Variants in KIF16B observed in about 807,000 individuals in gnomAD.
KIF16B encodes the protein kinesin family member 16B.
In KIF16B, 98 loss-of-function variants were observed where a neutral mutation model predicts 156.3. The ratio of observed to expected loss-of-function variants is 0.63; its 90% CI spans 0.53 to 0.74. The LOEUF is 0.74. Among genes scored for constraint, KIF16B ranks in the 30% least tolerant of loss-of-function variants. KIF16B has a pLI of 0.00. For missense variants in KIF16B, 1,421 were observed against 1,606.5 expected, an observed-to-expected ratio of 0.88 and a Z score of 1.97; for synonymous variants, 564 against 583.7, an observed-to-expected ratio of 0.97 and a Z score of 0.49.
chr20:16,327,660 C>A (rs1010381913), intron 24 of KIF16B, among the ~76,000 whole-genome samples: 3 of 152,068 alleles, frequency 2.0e-5, no homozygotes, highest in Admixed American at 6.6e-5. Context: ...ATGCTCATTG[C>A]GCCTCCACTC....
intron 16 of KIF16B, among the ~76,000 whole-genome samples, chr20:16,405,435 A>T (rs1437551728): frequency 6.6e-6 from 1 of 152,178 alleles, no homozygotes; most frequent in African/African-American, 2.4e-5. Context: ...GGGCTAGAGC[A>T]GATAAGAGGC....
At chr20:16,549,406 T>C (rs974026599) in intron 1 of KIF16B, among the ~76,000 whole-genome samples, 8 of 152,000 alleles carry the variant, frequency 5.3e-5, no homozygotes, top group Non-Finnish European at 8.8e-5. Context: ...TCCCATGGTG[T>C]ATATGTGCCA....
intron 22 of KIF16B, chr20:16,368,762 CAGACAGA>C: frequency 1.0e-6 from 1 of 985,906 alleles, no homozygotes; most frequent in Non-Finnish European, 1.2e-6. Flanking sequence ...GAAATGCCTT[CAGACAGA>C]ACCAAGCAGA....
At chr20:16,374,628 G>A (rs1568903784) in intron 19 of KIF16B, among the ~76,000 whole-genome samples, 1 of 152,162 alleles carries the variant, frequency 6.6e-6, no homozygotes. Context: ...CAGGCATCCA[G>A]AAGGTAGAGT....
chr20:16,495,831 C>T (rs528214175), intron 11 of KIF16B, among the ~76,000 whole-genome samples: 1 of 152,198 alleles, frequency 6.6e-6, no homozygotes, highest in East Asian at 1.9e-4. Context: ...GCTGGGACTA[C>T]AGGTGCACAC....
chr20:16,341,228 T>C (rs193195225), intron 23 of KIF16B, among the ~76,000 whole-genome samples: 2 of 152,310 alleles, frequency 1.3e-5, no homozygotes, highest in East Asian at 3.9e-4. Flanking sequence ...CCACATTTTC[T>C]CATCAACGCT....
intron 15 of KIF16B, among the ~76,000 whole-genome samples, chr20:16,409,569 G>A (rs1156849640): frequency 1.3e-5 from 2 of 152,080 alleles, no homozygotes; most frequent in East Asian, 3.9e-4. Context: ...GGCTAAGCAA[G>A]CCAGGTGGCT....
chr20:16,541,636 G>A (rs372632383), intron 1 of KIF16B, among the ~76,000 whole-genome samples: 16 of 152,192 alleles, frequency 1.1e-4, no homozygotes, highest in South Asian at 6.2e-4. Flanking sequence ...CAACTCTTAC[G>A]GTTTACAGGT....
intron 17 of KIF16B, among the ~76,000 whole-genome samples, chr20:16,400,535 G>A (rs930426182): frequency 1.3e-5 from 2 of 152,104 alleles, no homozygotes; most frequent in African/African-American, 4.8e-5. Flanking sequence ...TTGAAAACAA[G>A]GACTCAAACA....
intron 12 of KIF16B, among the ~76,000 whole-genome samples, chr20:16,440,269 T>G (rs1430990004): frequency 2.6e-5 from 4 of 152,020 alleles, no homozygotes; most frequent in Non-Finnish European, 5.9e-5. Flanking sequence ...TCCTTGCCAG[T>G]CAAAAGCAGC....
At chr20:16,277,487 T>C (rs2063081063) in intron 25 of KIF16B, among the ~76,000 whole-genome samples, 1 of 148,108 alleles carries the variant, frequency 6.8e-6, no homozygotes, top group Non-Finnish European at 1.5e-5. Flanking sequence ...ATAAAATATT[T>C]AAAATATACA....
At chr20:16,567,155 A>C (rs2071283116) in intron 1 of KIF16B, among the ~76,000 whole-genome samples, 1 of 152,194 alleles carries the variant, frequency 6.6e-6, no homozygotes, top group Admixed American at 6.5e-5. Flanking sequence ...GTATCTAGCT[A>C]TGTGACCTTG....
At chr20:16,462,154 T>C (rs1469786223) in intron 12 of KIF16B, among the ~76,000 whole-genome samples, 1 of 152,096 alleles carries the variant, frequency 6.6e-6, no homozygotes, top group Non-Finnish European at 1.5e-5. Flanking sequence ...GGCAGAAGAA[T>C]TGCTTGAACC....
intron 25 of KIF16B, among the ~76,000 whole-genome samples, chr20:16,296,672 T>C (rs906616557): frequency 1.3e-5 from 2 of 152,208 alleles, no homozygotes; most frequent in South Asian, 2.1e-4. Context: ...GTAATTGGGA[T>C]TGATATTAGA....
At chr20:16,348,413 C>G (rs118068885) in intron 23 of KIF16B, among the ~76,000 whole-genome samples, 1 of 152,296 alleles carries the variant, frequency 6.6e-6, no homozygotes, top group East Asian at 1.9e-4. Flanking sequence ...TGGTGAAATA[C>G]AAATACTACC....
chr20:16,336,449 ACT>A (rs1285988215), intron 23 of KIF16B, among the ~76,000 whole-genome samples: 3 of 152,168 alleles, frequency 2.0e-5, no homozygotes, highest in South Asian at 2.1e-4. Context: ...TGGAGTGGAA[ACT>A]CTGTTGCACA....
intron 1 of KIF16B, among the ~76,000 whole-genome samples, chr20:16,558,389 A>ATG (rs1184303716): frequency 1.3e-5 from 2 of 152,174 alleles, no homozygotes; most frequent in African/African-American, 4.8e-5. Context: ...AGCATTATTG[A>ATG]TGTGTCTCTC....
chr20:16,473,800 C>T (rs1001207513), intron 12 of KIF16B, among the ~76,000 whole-genome samples: 12 of 152,150 alleles, frequency 7.9e-5, no homozygotes, highest in African/African-American at 2.9e-4. Flanking sequence ...AATTTCAATA[C>T]AGTACTTAGA....
chr20:16,356,474 G>T, intron 22 of KIF16B, 22 bp from the exon 23 acceptor site: 3 of 1,613,376 alleles, frequency 1.9e-6, no homozygotes, highest in Non-Finnish European at 1.7e-6. Flanking sequence ...ATGTCAGACA[G>T]GGAGAACAAA....
Sources: gnomAD v4.1 joint callset for allele counts (sites outside exome capture counted in the v4.1 genomes callset) on GRCh38, gnomAD v4.1.1 for gene constraint, MANE v1.5 for transcripts, NCBI Gene and HGNC (gene_info 2026-07-23, HGNC 2026-07-21) for gene names.